KIAA1671: variants seen among roughly 807,000 people sequenced by gnomAD.
KIAA1671 encodes the protein KIAA1671.
In KIAA1671, 52 loss-of-function variants were observed where a neutral mutation model predicts 131.2. The ratio of observed to expected loss-of-function variants is 0.40; its 90% CI spans 0.32 to 0.50. The LOEUF is 0.50. Ranked by LOEUF, KIAA1671 falls within the 20% of genes least tolerant of loss-of-function variation. KIAA1671 has a pLI of 0.73. For missense variants in KIAA1671, 2,360 were observed against 2,364.2 expected (o/e 1.00, Z 0.04); for synonymous variants, 1,003 against 961.6 (o/e 1.04, Z -0.80).
intron 4 of KIAA1671, among the ~76,000 whole-genome samples, chr22:25,033,534 T>A (rs1025603335): frequency 6.6e-6 from 1 of 151,412 alleles, no homozygotes; most frequent in Admixed American, 6.6e-5. Flanking sequence ...GTTGATGCTT[T>A]CTGCAGAGTC....
chr22:25,160,260 A>G (rs1034879110), intron 6 of KIAA1671, among the ~76,000 whole-genome samples: 10 of 152,196 alleles, frequency 6.6e-5, no homozygotes, highest in Non-Finnish European at 1.3e-4. Flanking sequence ...ACAACGGGTC[A>G]GGAGGTACAG....
At chr22:25,183,983 C>T (rs1014080350) in intron 10 of KIAA1671, among the ~76,000 whole-genome samples, 7 of 152,186 alleles carry the variant, frequency 4.6e-5, no homozygotes, top group African/African-American at 1.2e-4. Flanking sequence ...GTGGATGCAC[C>T]GAGTAACTGC....
intron 1 of KIAA1671, chr22:25,012,614 G>A (rs1925098493): frequency 6.6e-6 from 1 of 152,076 alleles, no homozygotes; most frequent in African/African-American, 2.4e-5. Context: ...TGTTTTGAAA[G>A]GAACCTTGCA....
chr22:25,188,446 G>A (rs932914675), intron 11 of KIAA1671, among the ~76,000 whole-genome samples: 31 of 122,738 alleles, frequency 2.5e-4, no homozygotes, highest in African/African-American at 9.3e-4. Flanking sequence ...AGAGCCAATC[G>A]GGTGTGTGTG....
Position 25,093,768 on chromosome 22 carries a change from GTCTC to G in KIAA1671, c.4530+44444_4530+44447del, listed in dbSNP as rs71191028. 8.8e-3 allele frequency among the ~76,000 whole-genome samples: 537 copies of G among 60,692 alleles called. 9 individuals carry two copies. Among genetic ancestry groups the G allele is most frequent in the South Asian group, 0.032 (55 of 1,702 alleles). The allele number at this position is 60,692 out of a possible 152,430, so 39.8% of individuals were successfully genotyped here. A position where few individuals can be genotyped will look rare whatever the true frequency, so the allele number is the denominator to read the frequency against. ...TCTCTCTCTCTCTCTCTCTCTCTCT[GTCTC>G]TCTCTCTCTCTCTCTCTCTCTCTCT... is the stretch of plus-strand genomic sequence containing the variant. On this transcript the variant is annotated intron_variant, in intron 6 of 12. Coordinates refer to ENST00000358431, the MANE Select transcript of KIAA1671 (RefSeq NM_001145206.2).
rs1331471478 is a variant in KIAA1671 at position 25,190,727 on chromosome 22, C to T, written c.5368C>T (p.Leu1790=). The T allele has an allele frequency of 6.4e-7, 1 of 1,551,700 alleles. No individual in the cohort carries two copies. Among genetic ancestry groups the T allele is most frequent in the African/African-American group, 1.4e-5 (1 of 73,034 alleles). The change falls in exon 12 of 13, where the codon CTA becomes TTA. Residue 1790 remains leucine (L), a synonymous_variant. Transcript: ENST00000358431. The part of the protein sequence containing the change: ...ERSDEPSPQW[L]KELKSKKRQS... ...GTCGGATGAACCCTCTCCCCAGTGG[C>T]TAAAGGAATTGAAATCCAAGAAGAG...
Position 25,185,006 on chromosome 22 carries a change from C to T in KIAA1671, c.5229C>T (p.Asp1743=). The T allele has an allele frequency of 6.4e-7, 1 of 1,551,608 alleles. No individual in the cohort carries two copies. Among genetic ancestry groups the T allele is most frequent in the South Asian group, 1.2e-5 (1 of 84,048 alleles). The part of the protein sequence containing the change: ...KAQLHKRPEV[D]SPGETPSWAP... ...AGCTGCACAAGAGGCCAGAGGTGGA[C>T]AGTCCTGGCGAGACCCCCAGCTGGG... The change falls in exon 11 of 13, where the codon GAC becomes GAT. Residue 1743 remains aspartate, a synonymous_variant. Coordinates refer to ENST00000358431, the MANE Select transcript of KIAA1671 (RefSeq NM_001145206.2).
intron 1 of KIAA1671, among the ~76,000 whole-genome samples, chr22:24,955,145 A>C (rs1309077854): frequency 6.6e-6 from 1 of 152,218 alleles, no homozygotes; most frequent in African/African-American, 2.4e-5. Flanking sequence ...TCTGGCTCTG[A>C]GCATTTCTCC....
At chr22:24,968,740 T>C (rs5760764) in intron 1 of KIAA1671, among the ~76,000 whole-genome samples, 25,050 of 152,108 alleles carry the variant, frequency 0.16, 2,807 homozygotes, top group East Asian at 0.62. Flanking sequence ...ATCTTATCCT[T>C]TGGGGGACCC....
intron 1 of KIAA1671, among the ~76,000 whole-genome samples, chr22:24,953,470 A>T (rs1018163384): frequency 3.9e-5 from 6 of 152,126 alleles, no homozygotes; most frequent in African/African-American, 1.4e-4. Context: ...GGCTCCGGAC[A>T]CGTCCTCTCG....
intron 1 of KIAA1671, among the ~76,000 whole-genome samples, chr22:24,969,385 T>C (rs1922480644): frequency 6.6e-6 from 1 of 152,224 alleles, no homozygotes; most frequent in South Asian, 2.1e-4. Context: ...AGATTACTTA[T>C]GATACCTAAT....
Position 24,986,682 on chromosome 22 carries a change from TCCACCCACCCATCCATCCATCCATCCAC to T in KIAA1671, c.-208+33938_-208+33965del, listed in dbSNP as rs1569199009. The stretch of plus-strand genomic sequence containing the variant: ...ACCCATCCACCCACCCATCCACCCA[TCCACCCACCCATCCATCCATCCATCCAC>T]CCACCCACCCATCCATCCATCCATC... On this transcript the variant is annotated intron_variant, in intron 1 of 12. Transcript: ENST00000358431. Among the ~76,000 whole-genome samples, 4 of 48,230 alleles carry T rather than the reference TCCACCCACCCATCCATCCATCCATCCAC, an allele frequency of 8.3e-5. No homozygotes were observed. The East Asian group carries it at 2.3e-3, about 28-fold the overall frequency. 31.6% of individuals were successfully genotyped at this position (48,230 alleles called of 152,430 possible). A position where few individuals can be genotyped will look rare whatever the true frequency, so the allele number is the denominator to read the frequency against.
intron 5 of KIAA1671, among the ~76,000 whole-genome samples, chr22:25,045,532 A>G (rs1199762918): frequency 6.6e-6 from 1 of 152,248 alleles, no homozygotes; most frequent in African/African-American, 2.4e-5. Flanking sequence ...AGACTTAGAT[A>G]TAGGTAAATA....
rs530757528 is a variant in KIAA1671, at chr22:25,009,090, T to G, written c.-207-16543T>G. 7.2e-5 allele frequency among the ~76,000 whole-genome samples: 11 copies of G among 152,202 alleles called. No homozygotes were observed. The South Asian group carries it at 2.3e-3, about 32-fold the overall frequency. On this transcript the variant is annotated intron_variant, in intron 1 of 12. Coordinates refer to ENST00000358431, the MANE Select transcript of KIAA1671 (RefSeq NM_001145206.2). ...TATAGATGGCATGGAAACGGGAATG[T>G]GGAGTGGAGGGGAGAGTGCAGTGCT...
chr22:25,147,740 G>A (rs957976094), intron 6 of KIAA1671, among the ~76,000 whole-genome samples: 3 of 152,174 alleles, frequency 2.0e-5, no homozygotes, highest in African/African-American at 7.2e-5. Flanking sequence ...TCACCTTGCA[G>A]TGTCATTTGT....
chr22:25,174,670 T>A, intron 8 of KIAA1671, 181 bp downstream of exon 8: 2 of 625,108 alleles, frequency 3.2e-6, no homozygotes, highest in South Asian at 2.9e-5. Flanking sequence ...CTGCTGTGTG[T>A]CTTGGGGCAA....
intron 6 of KIAA1671, among the ~76,000 whole-genome samples, chr22:25,079,780 G>A (rs1399863261): frequency 2.6e-5 from 4 of 152,164 alleles, no homozygotes; most frequent in Non-Finnish European, 4.4e-5. Flanking sequence ...TGTGCCTCGT[G>A]CTTGGGGACA....
chr22:25,110,432 A>G (rs1280915656), intron 6 of KIAA1671, among the ~76,000 whole-genome samples: 1 of 152,162 alleles, frequency 6.6e-6, no homozygotes, highest in Non-Finnish European at 1.5e-5. Flanking sequence ...AGACCTGGGA[A>G]AACCTGGGGT....
intron 9 of KIAA1671, chr22:25,179,665 T>G (rs1345215286): frequency 6.3e-6 from 4 of 637,608 alleles, no homozygotes; most frequent in Non-Finnish European, 1.1e-5. Flanking sequence ...AGAAACTAGG[T>G]AAAACAGTGT....
Sources: allele counts gnomAD v4.1 joint callset (sites outside exome capture counted in the v4.1 genomes callset), GRCh38; gene constraint gnomAD v4.1.1; transcripts MANE v1.5; gene names NCBI Gene and HGNC (gene_info 2026-07-23, HGNC 2026-07-21).